The following ZFP1 variants were observed in gnomAD, a reference collection of about 807,000 sequenced individuals.
ZFP1 encodes the protein ZFP1 zinc finger protein, also known as zinc finger protein 1 homolog.
Under a neutral mutation model 38.5 loss-of-function variants are expected in ZFP1, and 32 were observed. That is an observed-to-expected ratio of 0.83 (90% confidence interval 0.63 to 1.12). The LOEUF (loss-of-function observed/expected upper bound fraction) is 1.12. Among genes scored for constraint, ZFP1 ranks in the 50% most tolerant of loss-of-function variants. The probability of loss-of-function intolerance (pLI) is 0.00; values close to 1 mark genes in which losing one functional copy is unlikely to be tolerated. For synonymous variants in ZFP1, 245 were observed against 168.8 expected (o/e 1.45, Z -3.50); for missense variants, 616 against 480.8 (o/e 1.28, Z -2.63).
chr16:75,140,731 G>A, the ZFP1 span, among the ~76,000 whole-genome samples: 17 of 152,312 alleles, frequency 1.1e-4, no homozygotes, highest in African/African-American at 4.1e-4. Flanking sequence ...AGGCCAAGGC[G>A]GGCGGATCAC....
the ZFP1 span, among the ~76,000 whole-genome samples, chr16:75,142,512 C>A: frequency 6.6e-6 from 1 of 152,258 alleles, no homozygotes; most frequent in African/African-American, 2.4e-5. Flanking sequence ...TGTCACTCAC[C>A]AATCTGAGCT....
the ZFP1 span, among the ~76,000 whole-genome samples, chr16:75,135,412 C>T: frequency 6.6e-6 from 1 of 152,148 alleles, no homozygotes; most frequent in African/African-American, 2.4e-5. Flanking sequence ...AGACTATATA[C>T]TGTATTATTC....
chr16:75,152,880 A>C, intron 1 of ZFP1, 29 bp from the exon 2 acceptor site: 1 of 1,603,450 alleles, frequency 6.2e-7, no homozygotes, highest in South Asian at 1.1e-5. Context: ...ACCTTTAATA[A>C]CAATGCCTTC....
the ZFP1 span, among the ~76,000 whole-genome samples, chr16:75,123,857 C>T: frequency 1.3e-5 from 2 of 151,620 alleles, no homozygotes; most frequent in Non-Finnish European, 1.5e-5. Flanking sequence ...TTTAGGAGGC[C>T]AAGGAGGATG....
At chr16:75,148,176 G>C (rs2036980924), upstream of ZFP1, among the ~76,000 whole-genome samples, 1 of 152,172 alleles carries the variant, frequency 6.6e-6, no homozygotes, top group South Asian at 2.1e-4. Context: ...TAGAAAGTGA[G>C]ATTATGGATA....
chr16:75,124,391 C>G, the ZFP1 span, among the ~76,000 whole-genome samples: 2 of 151,156 alleles, frequency 1.3e-5, no homozygotes, highest in South Asian at 4.2e-4. Flanking sequence ...GACTCCTGAC[C>G]TCAGGTGATC....
chr16:75,152,095 C>T (rs9939376), intron 1 of ZFP1, among the ~76,000 whole-genome samples: 141,913 of 152,182 alleles, frequency 0.93, 66,236 homozygotes, highest in African/African-American at 0.95. Context: ...GATTTTTCTA[C>T]ATATAATATG....
upstream of ZFP1, chr16:75,148,471 G>A (rs1385454138): frequency 6.6e-6 from 1 of 152,228 alleles, no homozygotes; most frequent in Non-Finnish European, 1.5e-5. Context: ...CCCTGGGAAC[G>A]GCCCGCGCCC....
chr16:75,170,400 T>A lies in ZFP1; in HGVS notation c.*66T>A. 1 of 1,494,686 alleles carries A rather than the reference T, an allele frequency of 6.7e-7. No individual in the cohort carries two copies. Among genetic ancestry groups the A allele is most frequent in the East Asian group, 2.3e-5 (1 of 43,784 alleles). 92.6% of individuals were successfully genotyped at this position (1,494,686 alleles called of 1,614,324 possible). On this transcript the variant is annotated 3_prime_UTR_variant, in exon 4 of 4. Coordinates refer to ENST00000570010, the MANE Select transcript of ZFP1 (RefSeq NM_153688.4). ...CTCTTCAAGCGGGTGAAAAACCTCA[T>A]GACAGTATTGAGGGAACATGGGAAT...
the ZFP1 span, among the ~76,000 whole-genome samples, chr16:75,139,811 G>C: frequency 1.3e-5 from 2 of 152,144 alleles, no homozygotes; most frequent in East Asian, 3.9e-4. Context: ...GGGAGTTAGT[G>C]TTTCATGGGT....
At chr16:75,150,504 C>G (rs1207987216) in intron 1 of ZFP1, among the ~76,000 whole-genome samples, 1 of 152,218 alleles carries the variant, frequency 6.6e-6, no homozygotes, top group African/African-American at 2.4e-5. Flanking sequence ...CAGGCGTGAG[C>G]CATCGCACCC....
At chr16:75,134,294 G>T in the ZFP1 span, among the ~76,000 whole-genome samples, 1 of 152,034 alleles carries the variant, frequency 6.6e-6, no homozygotes, top group Non-Finnish European at 1.5e-5. Flanking sequence ...AATTCTAATT[G>T]GAATTTTGAT....
At chr16:75,129,847 G>A in the ZFP1 span, among the ~76,000 whole-genome samples, 13 of 152,282 alleles carry the variant, frequency 8.5e-5, 2 homozygotes, top group East Asian at 5.8e-4. Context: ...AAGGCAGAAG[G>A]AGAGACCAAG....
the ZFP1 span, among the ~76,000 whole-genome samples, chr16:75,137,462 T>C: frequency 2.3e-4 from 1 of 4,288 alleles, no homozygotes; most frequent in Admixed American, 3.0e-3. Context: ...AAAAAAATTC[T>C]TTTTTTTTTT....
the ZFP1 span, among the ~76,000 whole-genome samples, chr16:75,139,387 A>AAAAAAAAAAAAAAAAAAC: frequency 6.9e-6 from 1 of 144,222 alleles, no homozygotes; most frequent in African/African-American, 2.8e-5. Context: ...AAAAAAAAAA[A>AAAAAAAAAAAAAAAAAAC]AAAAAAAAAC....
rs770359744 is a variant in ZFP1, at chr16:75,169,977, T to A, written c.867T>A (p.Ile289=). Reference sequence around the variant, plus strand: ...TTGAACTCACCACACACCAGAGAATTCATACAGGAGAGCGACCCTATGAGT... The same window carrying A: ...TTGAACTCACCACACACCAGAGAATACATACAGGAGAGCGACCCTATGAGT... The part of the protein sequence containing the change: ...QKFELTTHQR[I]HTGERPYECN... The change falls in exon 4 of 4, where the codon ATT becomes ATA. Residue 289 remains isoleucine, a synonymous_variant. Transcript: ENST00000570010. 10 of 1,613,998 alleles carry A rather than the reference T, an allele frequency of 6.2e-6. No homozygotes were observed. In the East Asian group the frequency reaches 1.8e-4, roughly 29 times the overall value.
intron 2 of ZFP1, among the ~76,000 whole-genome samples, chr16:75,161,774 A>ATTTTTTTTTTTTT (rs200925992): frequency 3.8e-4 from 3 of 7,818 alleles, no homozygotes; most frequent in Non-Finnish European, 8.3e-4. Context: ...ATATATATAT[A>ATTTTTTTTTTTTT]TTTTTTTTTT....
chr16:75,144,695 C>G, upstream of ZFP1, among the ~76,000 whole-genome samples: 1 of 152,208 alleles, frequency 6.6e-6, no homozygotes, highest in East Asian at 1.9e-4. Context: ...TAAGCACTAA[C>G]TCCCCATCCC....
Position 75,171,319 on chromosome 16 carries a change from G to T in ZFP1, c.*985G>T, listed in dbSNP as rs141711029. ...ATGTTACATTTCAGAGACTTTAGAG[G>T]AAAAATTATTTTAAATAACTGTCAA... On this transcript the variant is annotated 3_prime_UTR_variant, in exon 4 of 4. Coordinates refer to ENST00000570010, the MANE Select transcript of ZFP1 (RefSeq NM_153688.4). 15 of 152,216 alleles carry T rather than the reference G, an allele frequency of 9.9e-5. No individual in the cohort carries two copies. The highest frequency in any genetic ancestry group is 3.4e-4 in the African/African-American group (14 of 41,542). The allele number at this position is 152,216 out of a possible 1,614,324, so 9.4% of individuals were successfully genotyped here.
Sources: allele counts gnomAD v4.1 joint callset (sites outside exome capture counted in the v4.1 genomes callset), GRCh38; gene constraint gnomAD v4.1.1; transcripts MANE v1.5; gene names NCBI Gene and HGNC (gene_info 2026-07-23, HGNC 2026-07-21).